TRANK1: variants seen among roughly 807,000 people sequenced by gnomAD.
TRANK1 encodes the protein TPR and ankyrin repeat-containing protein 1.
In TRANK1, 198 loss-of-function variants were observed where a neutral mutation model predicts 266.0. The ratio of observed to expected loss-of-function variants is 0.74; its 90% CI spans 0.66 to 0.84. The LOEUF is 0.84. Ranked by LOEUF, TRANK1 falls within the 40% of genes least tolerant of loss-of-function variation. The probability of loss-of-function intolerance (pLI) is 0.00; values close to 1 mark genes in which losing one functional copy is unlikely to be tolerated. For missense variants in TRANK1, 3,326 were observed against 3,634.6 expected (o/e 0.92, Z 2.18); for synonymous variants, 1,396 against 1,384.1 (o/e 1.01, Z -0.19).
In TRANK1 at chr3:36,837,383, C is replaced by T. The variant is rs1018337720; in HGVS notation, c.5517+989G>A. ...TCTTCTTCGCATTGACTTGGGGCCACACTTCAAACTTCCCAGTAGGTCCCA... is the reference window on the plus strand; with the variant it reads ...TCTTCTTCGCATTGACTTGGGGCCATACTTCAAACTTCCCAGTAGGTCCCA... On this transcript the variant is annotated intron_variant, in intron 20 of 23. Coordinates refer to ENST00000645898, the MANE Select transcript of TRANK1 (RefSeq NM_001329998.2). Among the ~76,000 whole-genome samples, 4 of 152,154 alleles carry T rather than the reference C, an allele frequency of 2.6e-5. No homozygotes were observed. The East Asian group carries it at 7.7e-4, about 29-fold the overall frequency.
chr3:36,900,872 A>AAAAAAAAAAAAAAAAAAAAAAAAAAAC, intron 3 of TRANK1, among the ~76,000 whole-genome samples: 1 of 147,968 alleles, frequency 6.8e-6, no homozygotes, highest in Non-Finnish European at 1.5e-5. Flanking sequence ...AAAAAAAAAA[A>AAAAAAAAAAAAAAAAAAAAAAAAAAAC]AAAAGATAAC....
chr3:36,898,938 G>A (rs1037540905), intron 4 of TRANK1, among the ~76,000 whole-genome samples, 171 bp downstream of exon 4: 23 of 151,784 alleles, frequency 1.5e-4, no homozygotes, highest in African/African-American at 5.6e-4. Context: ...AAAGGCAGAA[G>A]CCACCGAAGC....
intron 13 of TRANK1, 129 bp downstream of exon 13, chr3:36,855,044 T>C (rs1375710296): frequency 7.3e-6 from 6 of 822,046 alleles, no homozygotes; most frequent in Non-Finnish European, 1.1e-5. Flanking sequence ...GCGTATTTAC[T>C]AACAAATTCC....
intron 15 of TRANK1, among the ~76,000 whole-genome samples, chr3:36,849,837 A>C (rs2078963983): frequency 6.6e-6 from 1 of 152,228 alleles, no homozygotes; most frequent in African/African-American, 2.4e-5. Flanking sequence ...GGTCACATTA[A>C]CACTGGGAAG....
chr3:36,835,013 T>A, intron 20 of TRANK1, 106 bp from the exon 21 acceptor site: 1 of 1,210,576 alleles, frequency 8.3e-7, no homozygotes. Flanking sequence ...GTCTGCTTTC[T>A]GTTAGAATCC....
chr3:36,832,715 T>C lies in TRANK1; in HGVS notation c.6868A>G (p.Lys2290Glu), dbSNP rs1481117408. ...TTGTAATTTGGTTTGAGGATTTCTT[T>C]GCATGCCATGGGGTTTTCTGACAAC... Reference protein sequence around the residue: ...RVLSENPMACKEILKPNYKSF... With the variant: ...RVLSENPMACEEILKPNYKSF... Residue 2290 changes from lysine to glutamate, a missense_variant, in exon 22 of 24, where the codon AAA becomes GAA. Coordinates refer to ENST00000645898, the MANE Select transcript of TRANK1 (RefSeq NM_001329998.2). 6.2e-7 allele frequency: 1 copy of C among 1,614,050 alleles called. No homozygotes were observed. Among genetic ancestry groups the C allele is most frequent in the South Asian group, 1.1e-5 (1 of 91,086 alleles).
intron 8 of TRANK1, among the ~76,000 whole-genome samples, chr3:36,885,217 A>G (rs540756853): frequency 6.6e-6 from 1 of 152,380 alleles, no homozygotes; most frequent in Admixed American, 6.5e-5. Context: ...ATCAAGGTTA[A>G]CATGATAAGA....
intron 9 of TRANK1, among the ~76,000 whole-genome samples, chr3:36,867,622 C>T (rs886855745): frequency 2.0e-5 from 3 of 152,160 alleles, no homozygotes; most frequent in Non-Finnish European, 2.9e-5. Context: ...TCAAAAGAAA[C>T]ATCAGGAAAC....
At chr3:36,841,539 C>A (rs2078844551) in intron 18 of TRANK1, among the ~76,000 whole-genome samples, 1 of 152,172 alleles carries the variant, frequency 6.6e-6, no homozygotes, top group Admixed American at 6.5e-5. Context: ...GAACTTACCA[C>A]CCACAAAAGG....
chr3:36,849,452 AC>A (rs1265700440), intron 15 of TRANK1, among the ~76,000 whole-genome samples: 1 of 151,906 alleles, frequency 6.6e-6, no homozygotes, highest in African/African-American at 2.4e-5. Context: ...GTAACAATAA[AC>A]CCTCCAGAGA....
At chr3:36,828,995 G>GA (rs920014994) in intron 23 of TRANK1, among the ~76,000 whole-genome samples, 9 of 152,156 alleles carry the variant, frequency 5.9e-5, no homozygotes, top group South Asian at 2.1e-4. Context: ...ATGGGCAAAA[G>GA]AAAAAACATT....
Position 36,831,123 on chromosome 3 carries a change from C to T in TRANK1, c.8460G>A (p.Gln2820=), listed in dbSNP as rs762643685. 10 of 1,614,026 alleles carry T rather than the reference C, an allele frequency of 6.2e-6. No homozygotes were observed. Among genetic ancestry groups the T allele is most frequent in the Non-Finnish European group, 5.9e-6 (7 of 1,179,898 alleles). ...TCTGGTGGTGTTCTAGATGGATATG[C>T]TGCTCGTAAGACTCGCTGTTCCTCT... The part of the protein sequence containing the change: ...CQERNSESYE[Q]HIHLEHHQRQ... Residue 2820 remains glutamine, a synonymous_variant, in exon 22 of 24, where the codon CAG becomes CAA. Coordinates refer to ENST00000645898, the MANE Select transcript of TRANK1 (RefSeq NM_001329998.2). This position sits in a 1 kb window ranked among gnomAD's most constrained non-coding sequence, Gnocchi z 5.0.
chr3:36,850,765 A>G (rs1389769111), intron 15 of TRANK1: 1 of 985,400 alleles, frequency 1.0e-6, no homozygotes, highest in African/African-American at 1.7e-5. Context: ...GCAAAATAAC[A>G]TTTAAAAAAT....
At chr3:36,872,475 T>A (rs952805065) in intron 9 of TRANK1, among the ~76,000 whole-genome samples, 37 of 152,018 alleles carry the variant, frequency 2.4e-4, no homozygotes, top group Non-Finnish European at 4.3e-4. Context: ...GAAACTTTTT[T>A]TAAAAAAAAA....
chr3:36,920,476 T>A (rs529216871), intron 1 of TRANK1, among the ~76,000 whole-genome samples: 1 of 152,304 alleles, frequency 6.6e-6, no homozygotes, highest in East Asian at 1.9e-4. Context: ...CAGTATTGAG[T>A]GTAGGGCACA....
intron 1 of TRANK1, among the ~76,000 whole-genome samples, chr3:36,923,400 C>T (rs371788873): frequency 5.9e-5 from 9 of 151,960 alleles, no homozygotes; most frequent in South Asian, 2.1e-4. Context: ...GGATTACAGG[C>T]GTGCGCCACC....
At chr3:36,915,248 G>T (rs1427648664) in intron 1 of TRANK1, among the ~76,000 whole-genome samples, 18 of 152,186 alleles carry the variant, frequency 1.2e-4, no homozygotes, top group Admixed American at 1.0e-3. Flanking sequence ...ACCGCGCCAG[G>T]CCTACCTATT....
rs1329582636 is a variant in TRANK1 at position 36,864,347 on chromosome 3, C to T, written c.1212G>A (p.Arg404=). The T allele has an allele frequency of 5.2e-6, 8 of 1,535,870 alleles. No homozygotes were observed. The highest frequency in any genetic ancestry group is 1.7e-4 in the Middle Eastern group (1 of 5,984). ...GCAGAGTAGAAAGGAGACGCAAGAA[C>T]CTCTGAACTACTTCCTGCTTCAGAA... is the stretch of plus-strand genomic sequence containing the variant. ...KNFLKQEVVQ[R]FLRLLSTLQE... Residue 404 remains arginine, a synonymous_variant, in exon 10 of 24, where the codon AGG becomes AGA. Coordinates refer to ENST00000645898, the MANE Select transcript of TRANK1 (RefSeq NM_001329998.2).
upstream of TRANK1, among the ~76,000 whole-genome samples, chr3:36,945,475 C>T (rs1299230505): frequency 1.3e-5 from 2 of 152,190 alleles, no homozygotes; most frequent in Non-Finnish European, 2.9e-5. Flanking sequence ...TGTGCTTGCC[C>T]CTCCACTCTG....
Sources: gnomAD v4.1 joint callset for allele counts (sites outside exome capture counted in the v4.1 genomes callset) on GRCh38, gnomAD v4.1.1 for gene constraint, Gnocchi (gnomAD v3.1) non-coding constraint, MANE v1.5 for transcripts, NCBI Gene and HGNC (gene_info 2026-07-23, HGNC 2026-07-21) for gene names.